Variants in ARHGAP29 observed in about 807,000 individuals in gnomAD.
ARHGAP29 encodes the protein Rho GTPase activating protein 29.
Under a neutral mutation model 122.6 loss-of-function variants are expected in ARHGAP29, and 43 were observed. That is an observed-to-expected ratio of 0.35 (90% CI 0.27 to 0.45). The LOEUF is 0.45. ARHGAP29 is among the 20% of genes least tolerant of loss of function. ARHGAP29 has a pLI of 1.00. For synonymous variants in ARHGAP29, 506 were observed against 497.1 expected, an observed-to-expected ratio of 1.02 and a Z score of -0.24; for missense variants, 1,303 against 1,477.2, an observed-to-expected ratio of 0.88 and a Z score of 1.93.
At chr1:94,286,874 C>T in the ARHGAP29 span, among the ~76,000 whole-genome samples, 1 of 152,184 alleles carries the variant, frequency 6.6e-6, no homozygotes, top group Non-Finnish European at 1.5e-5. Context: ...ACTCAAACTG[C>T]ATTTTCCTCT....
At chr1:94,240,279 C>T (rs1653528499), upstream of ARHGAP29, among the ~76,000 whole-genome samples, 1 of 152,156 alleles carries the variant, frequency 6.6e-6, no homozygotes, top group Non-Finnish European at 1.5e-5. Context: ...TTTGAGAAGT[C>T]TCTCAATCTC....
intron 13 of ARHGAP29, 107 bp downstream of exon 13, chr1:94,189,819 A>T: frequency 1.8e-6 from 2 of 1,095,482 alleles, no homozygotes; most frequent in Non-Finnish European, 2.6e-6. Context: ...AACTCAGAAA[A>T]TTTTTAATTT....
intron 1 of ARHGAP29, among the ~76,000 whole-genome samples, chr1:94,257,698 G>C (rs1022136256): frequency 6.6e-6 from 1 of 152,122 alleles, no homozygotes; most frequent in Non-Finnish European, 1.5e-5. Flanking sequence ...GACAGAGGGA[G>C]ATCCTGTCTC....
chr1:94,291,144 G>T, the ARHGAP29 span, among the ~76,000 whole-genome samples: 547 of 152,288 alleles, frequency 3.6e-3, 3 homozygotes, highest in Non-Finnish European at 5.5e-3. Context: ...AGCTCTTCTT[G>T]TTGAATTGAT....
At position 94,201,739 on chromosome 1, in the gene ARHGAP29, C is replaced by T; in HGVS notation, c.1262G>A (p.Cys421Tyr). The change falls in exon 12 of 23, where the codon TGT becomes TAT. Residue 421 changes from cysteine (C) to tyrosine (Y), a missense_variant. Cys to Tyr is a radical substitution (Grantham distance 194, BLOSUM62 -2). This residue lies in a region of ARHGAP29 where 592 missense variants were observed against 648.2 expected (regional missense o/e 0.91). Transcript: ENST00000260526. ...LAQLRTLVFQ[C>Y]DLTLKAVTVN... is the part of the protein sequence containing the mutation. ...ACTTACAGCTTTAAGGGTAAGATCA[C>T]ACTGGAAAACAAGTGTCCGGAGTTG... is the stretch of plus-strand genomic sequence containing the variant. 6.2e-7 allele frequency: 1 copy of T among 1,613,766 alleles called. No homozygotes were observed. The highest frequency in any genetic ancestry group is 8.5e-7 in the Non-Finnish European group (1 of 1,179,934).
rs146407929 is a variant in ARHGAP29, at chr1:94,198,662, A to AT, written c.1281+3057dup. On this transcript the variant is annotated intron_variant, in intron 12 of 22. Transcript: ENST00000260526. The stretch of plus-strand genomic sequence containing the variant: ...GTATGTTGAAAACTACAAAATGCTG[A>AT]TTTTTTTTTCTTAATCAAAGACCTA... Among the ~76,000 whole-genome samples, 695 of 151,868 alleles carry AT rather than the reference A, an allele frequency of 4.6e-3. 1 individual carries two copies. The highest frequency in any genetic ancestry group is 0.016 in the African/African-American group (649 of 41,432).
chr1:94,274,293 G>A (rs1655104311), intron 1 of ARHGAP29, among the ~76,000 whole-genome samples: 1 of 152,218 alleles, frequency 6.6e-6, no homozygotes, highest in Non-Finnish European at 1.5e-5. Flanking sequence ...GAGCATGACT[G>A]TGGTCCAGTA....
the ARHGAP29 span, among the ~76,000 whole-genome samples, chr1:94,285,294 C>T: frequency 6.6e-6 from 1 of 151,520 alleles, no homozygotes; most frequent in Admixed American, 6.6e-5. Flanking sequence ...ACACATTGAG[C>T]ATCAACAATG....
intron 14 of ARHGAP29, 39 bp downstream of exon 14, chr1:94,189,177 C>A: frequency 6.4e-7 from 1 of 1,565,044 alleles, no homozygotes; most frequent in East Asian, 2.3e-5. Context: ...ACAACCTGAC[C>A]TTTTATAAAT....
At position 94,220,308 on chromosome 1, in the gene ARHGAP29, T is replaced by C; in HGVS notation, c.290A>G (p.Asn97Ser). 2 of 1,613,654 alleles carry C rather than the reference T, an allele frequency of 1.2e-6. No individual in the cohort carries two copies. Among genetic ancestry groups the C allele is most frequent in the Non-Finnish European group, 1.7e-6 (2 of 1,179,686 alleles). ...KSIMNKHQNL[N>S]SVDLQNAAEM... Reference sequence around the variant, plus strand: ...TGCAGCATTTTGAAGATCAACAGAATTGAGGTTCTGATGTTTATTCATTAT... The same window carrying C: ...TGCAGCATTTTGAAGATCAACAGAACTGAGGTTCTGATGTTTATTCATTAT... The change falls in exon 3 of 23, where the codon AAT becomes AGT. Residue 97 changes from asparagine (N) to serine (S), a missense_variant. Coordinates refer to ENST00000260526, the MANE Select transcript of ARHGAP29 (RefSeq NM_004815.4).
At chr1:94,189,174 GACCTT>G (rs1649985892) in intron 14 of ARHGAP29, 37 bp downstream of exon 14, 1 of 1,563,162 alleles carries the variant, frequency 6.4e-7, no homozygotes, top group Middle Eastern at 1.7e-4. Context: ...CGAACAACCT[GACCTT>G]TTATAAATTA....
At chr1:94,207,564 T>C (rs1651284314) in intron 5 of ARHGAP29, among the ~76,000 whole-genome samples, 1 of 152,160 alleles carries the variant, frequency 6.6e-6, no homozygotes, top group Non-Finnish European at 1.5e-5. Context: ...ACAGATAAAA[T>C]GTGTAATCTT....
the ARHGAP29 span, among the ~76,000 whole-genome samples, chr1:94,307,268 C>T: frequency 5.3e-5 from 8 of 152,128 alleles, no homozygotes; most frequent in Non-Finnish European, 1.0e-4. Context: ...GGTTGCCTCC[C>T]CATCTACAGG....
Position 94,202,953 on chromosome 1 carries a change from T to C in ARHGAP29, c.919A>G (p.Ile307Val). The C allele has an allele frequency of 1.2e-6, 2 of 1,609,788 alleles. No homozygotes were observed. The highest frequency in any genetic ancestry group is 2.2e-5 in the East Asian group (1 of 44,802). Residue 307 changes from isoleucine to valine, a missense_variant, in exon 10 of 23, where the codon ATA becomes GTA. Physicochemically the swap from Ile to Val is conservative, Grantham distance 29 (BLOSUM62 3). Around this residue, in one of 3 missense-constraint regions of ARHGAP29, gnomAD observed 592 missense variants for 648.2 expected, o/e 0.91. Transcript: ENST00000260526. ...KNEMEKQRKE[I>V]KELWKQEQNK... ...TGCTCCTGTTTCCAAAGCTCTTTTA[T>C]TTCTTTCCTTTGTTTTTCCATTTCA...
At chr1:94,191,747 T>C (rs565181320) in intron 12 of ARHGAP29, 1 of 152,334 alleles carries the variant, frequency 6.6e-6, no homozygotes, top group Non-Finnish European at 1.5e-5. Context: ...ATTATGGTTC[T>C]AAGGATCTGT....
intron 19 of ARHGAP29, 37 bp downstream of exon 19, chr1:94,184,114 T>A (rs780244321): frequency 6.3e-7 from 1 of 1,586,972 alleles, no homozygotes; most frequent in South Asian, 1.2e-5. Flanking sequence ...TTGCTGTTTT[T>A]AATTTAATGG....
intron 1 of ARHGAP29, among the ~76,000 whole-genome samples, chr1:94,250,948 T>C (rs1417737138): frequency 6.6e-6 from 1 of 152,130 alleles, no homozygotes; most frequent in Non-Finnish European, 1.5e-5. Flanking sequence ...TAATTAATGA[T>C]CAGTGCCAAA....
chr1:94,265,621 G>A (rs1057309724), intron 1 of ARHGAP29, among the ~76,000 whole-genome samples: 30 of 152,130 alleles, frequency 2.0e-4, no homozygotes, highest in African/African-American at 7.0e-4. Context: ...CCTCTATAGC[G>A]TGTTCTTACC....
Position 94,173,882 on chromosome 1 carries a change from G to A in ARHGAP29, c.3773C>T (p.Pro1258Leu). 1 of 1,598,974 alleles carries A rather than the reference G, an allele frequency of 6.3e-7. No individual in the cohort carries two copies. The highest frequency in any genetic ancestry group is 8.6e-7 in the Non-Finnish European group (1 of 1,168,882). The change falls in exon 23 of 23, where the codon CCA (proline) becomes CTA (leucine). Residue 1258 changes from proline to leucine, a missense_variant. By Grantham distance (98) the Pro-to-Leu change is moderately conservative (BLOSUM62 -3). Coordinates refer to ENST00000260526, the MANE Select transcript of ARHGAP29 (RefSeq NM_004815.4). Reference protein sequence around the residue: ...QQFEDLEGEIPQFV With the variant: ...QQFEDLEGEILQFV ...AATTTGACATCCCTACACAAATTGT[G>A]GAATTTCACCTTCGAGGTCTTCAAA...
Sources: allele counts gnomAD v4.1 joint callset (sites outside exome capture counted in the v4.1 genomes callset), GRCh38; gene constraint gnomAD v4.1.1; regional missense constraint gnomAD v4.1.1; transcripts MANE v1.5; gene names NCBI Gene and HGNC (gene_info 2026-07-23, HGNC 2026-07-21).